DNAJC5: variants seen among roughly 807,000 people sequenced by gnomAD.
The protein encoded by DNAJC5 is dnaJ homolog subfamily C member 5.
In DNAJC5, 1 loss-of-function variant was observed where a neutral mutation model predicts 23.2. That is an observed-to-expected ratio of 0.04 (90% confidence interval 0.02 to 0.20). The LOEUF is 0.20. Ranked by LOEUF, DNAJC5 falls within the 10% of genes least tolerant of loss-of-function variation. The pLI, the probability that DNAJC5 is intolerant of heterozygous loss-of-function variation, is 1.00. For missense variants in DNAJC5, 180 were observed against 267.0 expected, an observed-to-expected ratio of 0.67 and a Z score of 2.27; for synonymous variants, 136 against 120.0, an observed-to-expected ratio of 1.13 and a Z score of -0.87.
At chr20:63,914,575 C>T (rs2053503855) in intron 1 of DNAJC5, among the ~76,000 whole-genome samples, 1 of 150,276 alleles carries the variant, frequency 6.7e-6, no homozygotes, top group Non-Finnish European at 1.5e-5. Context: ...CCTCGGCCTC[C>T]CAAAGTGCTG....
intron 1 of DNAJC5, among the ~76,000 whole-genome samples, chr20:63,923,409 T>G (rs2053587348): frequency 6.6e-6 from 1 of 151,214 alleles, no homozygotes. Flanking sequence ...ACCACTGCAC[T>G]CCAGCCTGGG....
At chr20:63,896,947 G>A (rs2053379531) in intron 1 of DNAJC5, among the ~76,000 whole-genome samples, 1 of 152,176 alleles carries the variant, frequency 6.6e-6, no homozygotes, top group Admixed American at 6.5e-5. Context: ...GGTTCCTGGA[G>A]TGTTGGCCCT....
At chr20:63,900,279 A>T (rs577975893) in intron 1 of DNAJC5, among the ~76,000 whole-genome samples, 2 of 151,498 alleles carry the variant, frequency 1.3e-5, no homozygotes, top group Non-Finnish European at 2.9e-5. Context: ...GGTTTGGGAC[A>T]TGTCTCTGAA....
chr20:63,895,689 G>A (rs1230432942), intron 1 of DNAJC5, among the ~76,000 whole-genome samples: 1 of 152,102 alleles, frequency 6.6e-6, no homozygotes, highest in Admixed American at 6.5e-5. Flanking sequence ...CTCCTGCGGG[G>A]GGACTGGAGA....
rs767468477 is a variant in DNAJC5 at position 63,931,935 on chromosome 20, C to T, written c.*367C>T. 9.4e-5 allele frequency: 34 copies of T among 360,884 alleles called. No individual in the cohort carries two copies. The highest frequency in any genetic ancestry group is 1.3e-4 in the Non-Finnish European group (25 of 185,520). The allele number at this position is 360,884 out of a possible 1,614,324, so 22.4% of individuals were successfully genotyped here. A position where few individuals can be genotyped will look rare whatever the true frequency, so the allele number is the denominator to read the frequency against. On this transcript the variant is annotated 3_prime_UTR_variant, in exon 5 of 5. Transcript: ENST00000360864. This position sits in a 1 kb window ranked among gnomAD's most constrained non-coding sequence, Gnocchi z 9.6. ...GGGTGACTGCAGCCGGTCAGGTGGG[C>T]GAGGAGAAGGGGGGCTGCCCCTTTC...
intron 1 of DNAJC5, among the ~76,000 whole-genome samples, chr20:63,926,644 A>G (rs2053618550): frequency 6.6e-6 from 1 of 152,254 alleles, no homozygotes; most frequent in African/African-American, 2.4e-5. Flanking sequence ...TAACAGTCCA[A>G]GGACAGGAGG....
intron 1 of DNAJC5, among the ~76,000 whole-genome samples, chr20:63,921,841 C>T (rs886743250): frequency 6.6e-6 from 1 of 151,944 alleles, no homozygotes. Flanking sequence ...TCCAGTGGTG[C>T]AATTTCAGTT....
In DNAJC5 at chr20:63,934,676, T is replaced by A. The variant is rs2146314221; in HGVS notation, c.*3108T>A. The A allele has an allele frequency of 6.6e-6, 1 of 152,410 alleles. No individual in the cohort carries two copies. Among genetic ancestry groups the A allele is most frequent in the South Asian group, 2.1e-4 (1 of 4,834 alleles). 9.4% of individuals were successfully genotyped at this position (152,410 alleles called of 1,614,324 possible). A position where few individuals can be genotyped will look rare whatever the true frequency, so the allele number is the denominator to read the frequency against. On this transcript the variant is annotated 3_prime_UTR_variant, in exon 5 of 5. Coordinates refer to ENST00000360864, the MANE Select transcript of DNAJC5 (RefSeq NM_025219.3). ...ATATTACTGCTCAGTGTTTGTGAAC[T>A]TTCCTAGTTCTCTATGTTGTTAGTG...
At chr20:63,918,123 G>GT (rs1163358289) in intron 1 of DNAJC5, among the ~76,000 whole-genome samples, 1 of 152,234 alleles carries the variant, frequency 6.6e-6, no homozygotes, top group African/African-American at 2.4e-5. Flanking sequence ...GGATGGATCA[G>GT]TTGTGGTCTA....
At chr20:63,901,243 GCATGAGC>G (rs1246540452) in intron 1 of DNAJC5, among the ~76,000 whole-genome samples, 1 of 152,192 alleles carries the variant, frequency 6.6e-6, no homozygotes, top group Non-Finnish European at 1.5e-5. Context: ...GGGTTTACAG[GCATGAGC>G]CACTGTGCTC....
Position 63,928,770 on chromosome 20 carries a change from C to A in DNAJC5, c.107+318C>A, listed in dbSNP as rs1176600475. Among the ~76,000 whole-genome samples the A allele has an allele frequency of 6.6e-6, 1 of 152,130 alleles. No individual in the cohort carries two copies. The highest frequency in any genetic ancestry group is 1.5e-5 in the Non-Finnish European group (1 of 68,022). ...CAGAGCGCTGGCATGGTCCTGTGGT[C>A]TCCTTGTTTTAGCACAGTGATGACA... On this transcript the variant is annotated intron_variant, in intron 2 of 4. Transcript: ENST00000360864. This position sits in a 1 kb window ranked among gnomAD's most constrained non-coding sequence, Gnocchi z 4.6.
At chr20:63,922,867 T>C (rs983578217) in intron 1 of DNAJC5, among the ~76,000 whole-genome samples, 1 of 152,304 alleles carries the variant, frequency 6.6e-6, no homozygotes, top group African/African-American at 2.4e-5. Flanking sequence ...TAGCCGGACA[T>C]GGTGGCTCAT....
intron 1 of DNAJC5, among the ~76,000 whole-genome samples, chr20:63,901,550 CA>C (rs1159624760): frequency 1.3e-5 from 2 of 152,266 alleles, no homozygotes; most frequent in African/African-American, 4.8e-5. Flanking sequence ...GCGCGCTCCA[CA>C]TCAGTCTCAG....
intron 1 of DNAJC5, among the ~76,000 whole-genome samples, chr20:63,927,287 C>G (rs2053624331): frequency 6.6e-6 from 1 of 152,212 alleles, no homozygotes; most frequent in African/African-American, 2.4e-5. Context: ...GAGGCTGAGG[C>G]AGGCGGATCA....
chr20:63,898,114 A>G (rs2053386491), intron 1 of DNAJC5, among the ~76,000 whole-genome samples: 1 of 152,212 alleles, frequency 6.6e-6, no homozygotes, highest in Non-Finnish European at 1.5e-5. Context: ...AGTCTTCTCT[A>G]GACCAGGTTT....
chr20:63,925,713 C>T (rs538170908), intron 1 of DNAJC5, among the ~76,000 whole-genome samples: 51 of 151,248 alleles, frequency 3.4e-4, no homozygotes, highest in East Asian at 2.0e-4. Flanking sequence ...ACCGAGATCG[C>T]GTCACCGCAC....
At chr20:63,910,775 C>T (rs1002500984) in intron 1 of DNAJC5, among the ~76,000 whole-genome samples, 1 of 151,324 alleles carries the variant, frequency 6.6e-6, no homozygotes, top group East Asian at 2.0e-4. Flanking sequence ...CAGGTTCAAG[C>T]GATTCTCCTG....
intron 1 of DNAJC5, among the ~76,000 whole-genome samples, chr20:63,896,820 G>T (rs979788376): frequency 6.6e-6 from 1 of 152,144 alleles, no homozygotes; most frequent in East Asian, 1.9e-4. Flanking sequence ...ACATGATCGG[G>T]GCCCAGTAAA....
chr20:63,903,296 A>C (rs1177631383), intron 1 of DNAJC5, among the ~76,000 whole-genome samples: 1 of 152,104 alleles, frequency 6.6e-6, no homozygotes, highest in Non-Finnish European at 1.5e-5. Flanking sequence ...GTAGGCACGC[A>C]CCACCTCACT....
Sources: gnomAD v4.1 joint callset for allele counts (sites outside exome capture counted in the v4.1 genomes callset) on GRCh38, gnomAD v4.1.1 for gene constraint, Gnocchi (gnomAD v3.1) non-coding constraint, MANE v1.5 for transcripts, NCBI Gene and HGNC (gene_info 2026-07-23, HGNC 2026-07-21) for gene names.